Variants in RB1 observed in about 807,000 individuals in gnomAD.
The protein encoded by RB1 is RB transcriptional corepressor 1.
In RB1, 18 loss-of-function variants were observed where a neutral mutation model predicts 135.4. The observed-to-expected ratio is 0.13, with a 90% CI of 0.09 to 0.20. The LOEUF (loss-of-function observed/expected upper bound fraction) is 0.20. RB1 is among the 10% of genes least tolerant of loss of function. RB1 has a pLI of 1.00. For synonymous variants in RB1, 365 were observed against 373.2 expected (o/e 0.98, Z 0.25); for missense variants, 868 against 1,110.0 (o/e 0.78, Z 3.10).
intron 17 of RB1, chr13:48,444,548 C>T (rs376907855): frequency 6.6e-6 from 1 of 152,374 alleles, no homozygotes; most frequent in South Asian, 2.1e-4. Context: ...AGGAAACACA[C>T]TTACCGGTTT....
At chr13:48,456,054 A>T in intron 18 of RB1, 150 bp from the exon 19 acceptor site, 1 of 1,407,130 alleles carries the variant, frequency 7.1e-7, no homozygotes, top group Non-Finnish European at 9.4e-7. Context: ...TTTTCCTATT[A>T]ATATATCTTT....
chr13:48,318,569 G>T, intron 2 of RB1: 1 of 670,948 alleles, frequency 1.5e-6, no homozygotes, highest in South Asian at 1.8e-5. Flanking sequence ...CTTTGCCCTG[G>T]ACGGGCAGGT....
intron 23 of RB1, among the ~76,000 whole-genome samples, chr13:48,465,862 C>G (rs1186780035): frequency 6.6e-6 from 1 of 150,874 alleles, no homozygotes; most frequent in Admixed American, 6.6e-5. Context: ...GCTTAAGAAA[C>G]GGCGCACCAC....
chr13:48,320,395 A>G, intron 2 of RB1: 6 of 1,167,960 alleles, frequency 5.1e-6, no homozygotes, highest in Non-Finnish European at 7.6e-6. Context: ...GCACCCGGGG[A>G]ACCTAAAGCT....
At chr13:48,320,379 C>CGAGAA in intron 2 of RB1, 1 of 1,204,164 alleles carries the variant, frequency 8.3e-7, no homozygotes, top group South Asian at 1.2e-5. Context: ...CGTCAGCCTC[C>CGAGAA]GAGAAGCACC....
At position 48,456,192 on chromosome 13, in the gene RB1, A is replaced by G. The variant is rs370482884; in HGVS notation, c.1815-12A>G. Reference sequence around the variant, plus strand: ...AACTTGAAATGAAGACTTTTCCTTTAAATATATCTAGGTATCTTTCTCCTG... The same window carrying G: ...AACTTGAAATGAAGACTTTTCCTTTGAATATATCTAGGTATCTTTCTCCTG... On this transcript the variant is annotated splice_polypyrimidine_tract_variant and intron_variant, in intron 18 of 26. Transcript: ENST00000267163. 1.5e-5 allele frequency: 24 copies of G among 1,613,698 alleles called. No individual in the cohort carries two copies. The highest frequency in any genetic ancestry group is 1.5e-4 in the African/African-American group (11 of 74,900).
intron 25 of RB1, 21 bp downstream of exon 25, chr13:48,476,864 T>A (rs746307717): frequency 6.2e-7 from 1 of 1,612,620 alleles, no homozygotes; most frequent in Non-Finnish European, 8.5e-7. Context: ...GTTTTGAATG[T>A]TTTCCAGTAG....
At chr13:48,354,647 C>T (rs756161389) in intron 6 of RB1, among the ~76,000 whole-genome samples, 16 of 150,044 alleles carry the variant, frequency 1.1e-4, no homozygotes, top group African/African-American at 2.2e-4. Context: ...AGCAGAAAGA[C>T]GACGTTGCTT....
At chr13:48,333,929 CA>C (rs1952360752) in intron 2 of RB1, among the ~76,000 whole-genome samples, 1 of 152,014 alleles carries the variant, frequency 6.6e-6, no homozygotes, top group African/African-American at 2.4e-5. Flanking sequence ...AATGAGCAAG[CA>C]AGCAAGTCAC....
intron 17 of RB1, chr13:48,411,784 G>A: frequency 6.2e-7 from 1 of 1,611,772 alleles, no homozygotes; most frequent in Non-Finnish European, 8.5e-7. Flanking sequence ...AATGTAACAG[G>A]TTTGGTTAAA....
chr13:48,375,465 A>T (rs1158250371), intron 12 of RB1, among the ~76,000 whole-genome samples: 1 of 150,844 alleles, frequency 6.6e-6, no homozygotes. Flanking sequence ...TATGTTTCTA[A>T]GTTTGTGTGC....
intron 26 of RB1, among the ~76,000 whole-genome samples, chr13:48,478,528 A>C (rs1949517698): frequency 6.6e-6 from 1 of 152,212 alleles, no homozygotes; most frequent in South Asian, 2.1e-4. Flanking sequence ...CTTAAAAAGG[A>C]GCTGAAAGCT....
chr13:48,364,732 G>T (rs1489243757), intron 8 of RB1, among the ~76,000 whole-genome samples, 162 bp from the exon 9 acceptor site: 1 of 152,034 alleles, frequency 6.6e-6, no homozygotes, highest in Admixed American at 6.6e-5. Context: ...AATATAGAGA[G>T]ACCCCTTCTC....
At chr13:48,347,309 A>G (rs1952507266) in intron 4 of RB1, among the ~76,000 whole-genome samples, 1 of 152,100 alleles carries the variant, frequency 6.6e-6, no homozygotes, top group African/African-American at 2.4e-5. Context: ...AGAGATTAGC[A>G]TGTGTACAAA....
intron 23 of RB1, among the ~76,000 whole-genome samples, chr13:48,467,671 G>A (rs1446800114): frequency 1.6e-3 from 1 of 634 alleles, no homozygotes; most frequent in Middle Eastern, 0.083. Flanking sequence ...CCCATCTCAC[G>A]TGCAGAGACA....
At chr13:48,413,352 T>C (rs527894271) in intron 17 of RB1, among the ~76,000 whole-genome samples, 1 of 152,208 alleles carries the variant, frequency 6.6e-6, no homozygotes, top group Non-Finnish European at 1.5e-5. Flanking sequence ...CTCTCAGAGT[T>C]GTTTTGATTT....
chr13:48,313,516 GT>G (rs201399495), intron 2 of RB1, among the ~76,000 whole-genome samples: 1 of 143,032 alleles, frequency 7.0e-6, no homozygotes, highest in Non-Finnish European at 1.5e-5. Flanking sequence ...TCAGTCTTGG[GT>G]TTTTTTTTGT....
intron 17 of RB1, among the ~76,000 whole-genome samples, chr13:48,397,875 A>C (rs986460001): frequency 2.0e-5 from 3 of 152,160 alleles, no homozygotes; most frequent in Non-Finnish European, 4.4e-5. Flanking sequence ...TGAAAAAACC[A>C]AAAAGGATAT....
At chr13:48,396,563 A>T (rs1049639570) in intron 17 of RB1, among the ~76,000 whole-genome samples, 3 of 152,222 alleles carry the variant, frequency 2.0e-5, no homozygotes, top group Non-Finnish European at 4.4e-5. Context: ...AACCTAGGCA[A>T]TACCATTCAG....
Sources: gnomAD v4.1 joint callset for allele counts (sites outside exome capture counted in the v4.1 genomes callset) on GRCh38, gnomAD v4.1.1 for gene constraint, MANE v1.5 for transcripts, NCBI Gene and HGNC (gene_info 2026-07-23, HGNC 2026-07-21) for gene names.